The following PARP4 variants were observed in gnomAD, a reference collection of about 807,000 sequenced individuals.
PARP4 encodes poly(ADP-ribose) polymerase family member 4.
PARP4 carries 120 observed loss-of-function variants against 187.7 expected under a neutral mutation model. That is an observed-to-expected ratio of 0.64 (90% CI 0.55 to 0.74). PARP4 has a LOEUF of 0.74. Ranked by LOEUF, PARP4 falls within the 30% of genes least tolerant of loss-of-function variation. The pLI, the probability that PARP4 is intolerant of heterozygous loss-of-function variation, is 0.00. For missense variants in PARP4, 1,836 were observed against 2,070.5 expected, an observed-to-expected ratio of 0.89 and a Z score of 2.20; for synonymous variants, 654 against 740.9, an observed-to-expected ratio of 0.88 and a Z score of 1.90.
At chr13:24,491,784 C>G (rs1455122999) in intron 9 of PARP4, among the ~76,000 whole-genome samples, 1 of 152,198 alleles carries the variant, frequency 6.6e-6, no homozygotes, top group Non-Finnish European at 1.5e-5. Context: ...GCCACAGTGG[C>G]TCCAATCTCC....
intron 11 of PARP4, 37 bp downstream of exon 11, chr13:24,486,131 C>G (rs1191135157): frequency 1.9e-6 from 3 of 1,568,636 alleles, no homozygotes; most frequent in African/African-American, 2.7e-5. Context: ...CATTTGTGAG[C>G]CTGAAATTTT....
chr13:24,510,553 C>CAAAAA lies in PARP4; in HGVS notation c.-2+2148_-2+2152dup, dbSNP rs61708412. Among the ~76,000 whole-genome samples the CAAAAA allele has an allele frequency of 8.4e-3, 748 of 89,210 alleles. 27 individuals are homozygous for CAAAAA. The highest frequency in any genetic ancestry group is 9.4e-3 in the African/African-American group (198 of 20,988). 58.5% of individuals were successfully genotyped at this position (89,210 alleles called of 152,430 possible). A position where few individuals can be genotyped will look rare whatever the true frequency, so the allele number is the denominator to read the frequency against. ...TGGGCGACAGAGCGAGACTCCGTCT[C>CAAAAA]AAAAAAAAAAAAAAAAAAGTGTTCA... On this transcript the variant is annotated intron_variant, in intron 1 of 33. Coordinates refer to ENST00000381989, the MANE Select transcript of PARP4 (RefSeq NM_006437.4).
rs552472940 is a variant in PARP4, at chr13:24,495,191, C to T, written c.592-469G>A. ...TGGCCAGAATTACCAAAATTTTAAA[C>T]TCTTAATAGCCTAAAACCTGGAGGT... On this transcript the variant is annotated intron_variant, in intron 6 of 33. Transcript: ENST00000381989. Among the ~76,000 whole-genome samples, 8 of 152,262 alleles carry T rather than the reference C, an allele frequency of 5.3e-5. No homozygotes were observed. In the South Asian group the frequency reaches 1.0e-3, roughly 20 times the overall value.
At chr13:24,455,270 T>C in intron 21 of PARP4, 58 bp from the exon 22 acceptor site, 1 of 1,345,362 alleles carries the variant, frequency 7.4e-7, no homozygotes, top group Middle Eastern at 2.0e-4. Flanking sequence ...CTGCAAAAGG[T>C]CTACTTAGAA....
Position 24,446,627 on chromosome 13 carries a change from T to C in PARP4, c.3366+54A>G, listed in dbSNP as rs1051390121. The stretch of plus-strand genomic sequence containing the variant: ...TGACATAGAGCATTATATATGGAAA[T>C]ATAAAATCATAACTTTCAAACAATG... On this transcript the variant is annotated intron_variant, in intron 27 of 33. Transcript: ENST00000381989. The C allele has an allele frequency of 8.3e-5, 102 of 1,222,592 alleles. 1 individual carries two copies. Among genetic ancestry groups the C allele is most frequent in the Non-Finnish European group, 1.2e-4 (99 of 824,930 alleles). 75.7% of individuals were successfully genotyped at this position (1,222,592 alleles called of 1,614,324 possible). A position where few individuals can be genotyped will look rare whatever the true frequency, so the allele number is the denominator to read the frequency against.
intron 17 of PARP4, among the ~76,000 whole-genome samples, chr13:24,467,838 C>CTACG (rs1273151044): frequency 6.6e-6 from 1 of 152,046 alleles, no homozygotes; most frequent in Non-Finnish European, 1.5e-5. Context: ...GGAGGATAAC[C>CTACG]TGATAATATT....
At chr13:24,431,170 G>A (rs1185288198) in intron 32 of PARP4, among the ~76,000 whole-genome samples, 1 of 152,106 alleles carries the variant, frequency 6.6e-6, no homozygotes, top group African/African-American at 2.4e-5. Flanking sequence ...TAATAAATTT[G>A]CTCAGATAAT....
At chr13:24,483,145 G>A (rs1255788710) in intron 12 of PARP4, among the ~76,000 whole-genome samples, 10 of 151,960 alleles carry the variant, frequency 6.6e-5, no homozygotes, top group Admixed American at 6.6e-4. Context: ...TCAGCCTCCT[G>A]AGTAGCTTTG....
At chr13:24,473,109 A>T (rs7319659) in intron 15 of PARP4, among the ~76,000 whole-genome samples, 13,693 of 152,024 alleles carry the variant, frequency 0.09, 739 homozygotes, top group East Asian at 0.27. Context: ...TTTTGTAGAG[A>T]TGGGGTTTCT....
Position 24,493,721 on chromosome 13 carries a change from C to A in PARP4, c.754G>T (p.Glu252Ter). 1.2e-6 allele frequency: 2 copies of A among 1,613,322 alleles called. No individual in the cohort carries two copies. Among genetic ancestry groups the A allele is most frequent in the Non-Finnish European group, 1.7e-6 (2 of 1,179,828 alleles). Reference protein sequence around the residue: ...SEQLQALLLEEVMNSSTLSQE... With the variant: ...SEQLQALLLE ...CTCAGAGTGCTTGAATTCATGACTTCCTCCAAAAGCAACTACAATAATAAA... is the reference window on the plus strand; with the variant it reads ...CTCAGAGTGCTTGAATTCATGACTTACTCCAAAAGCAACTACAATAATAAA... The change falls in exon 8 of 34, where the codon GAA (glutamate) becomes TAA (stop). Residue 252 changes from glutamate to a stop codon, truncating the protein, a stop_gained. Transcript: ENST00000381989. LOFTEE classifies it high-confidence loss of function.
chr13:24,511,842 A>G (rs951195953), intron 1 of PARP4, among the ~76,000 whole-genome samples: 4 of 152,240 alleles, frequency 2.6e-5, no homozygotes, highest in Admixed American at 2.6e-4. Context: ...TTGGACTCAA[A>G]TGGCATCAGT....
chr13:24,460,447 C>T (rs1411283897), intron 17 of PARP4, among the ~76,000 whole-genome samples: 1 of 126,074 alleles, frequency 7.9e-6, no homozygotes, highest in Non-Finnish European at 1.9e-5. Flanking sequence ...CACACGTGGG[C>T]TCTGCTGCAC....
chr13:24,507,207 C>T (rs969181367), intron 1 of PARP4, among the ~76,000 whole-genome samples: 4 of 152,232 alleles, frequency 2.6e-5, no homozygotes, highest in Admixed American at 6.5e-5. Flanking sequence ...GAGCCGGCTC[C>T]GGCCTCGCCA....
intron 15 of PARP4, among the ~76,000 whole-genome samples, chr13:24,472,570 A>G (rs950782145): frequency 2.0e-5 from 3 of 152,200 alleles, no homozygotes; most frequent in Non-Finnish European, 4.4e-5. Context: ...TGCAATCTTC[A>G]GAGTCAGAAG....
chr13:24,498,029 A>C lies in PARP4; in HGVS notation c.591+87T>G. 5 of 862,428 alleles carry C rather than the reference A, an allele frequency of 5.8e-6. No individual in the cohort carries two copies. In the East Asian group the frequency reaches 1.3e-4, roughly 23 times the overall value. 53.4% of individuals were successfully genotyped at this position (862,428 alleles called of 1,614,324 possible). ...CTGAGCTAAGACAACAGGTAAGAAG[A>C]AAAAGGTTGGGAGGTCGGCTGATTC... On this transcript the variant is annotated intron_variant, in intron 6 of 33. Transcript: ENST00000381989.
At chr13:24,478,043 T>G in intron 13 of PARP4, 50 bp downstream of exon 13, 1 of 1,426,932 alleles carries the variant, frequency 7.0e-7, no homozygotes, top group Non-Finnish European at 9.5e-7. Context: ...ACTAAGGCCT[T>G]TCTTTGAGCA....
rs1436814298 is a variant in PARP4 at position 24,454,907 on chromosome 13, G to A, written c.2758+110C>T. 7 of 795,538 alleles carry A rather than the reference G, an allele frequency of 8.8e-6. No individual in the cohort carries two copies. The East Asian group carries it at 1.9e-4, about 21-fold the overall frequency. 49.3% of individuals were successfully genotyped at this position (795,538 alleles called of 1,614,324 possible). A position where few individuals can be genotyped will look rare whatever the true frequency, so the allele number is the denominator to read the frequency against. On this transcript the variant is annotated intron_variant, in intron 22 of 33. Transcript: ENST00000381989. ...CTCTTGTTCTTCAATTTCATACTAG[G>A]CTGCCCCTCACCACACAGGCAGGGT... is the stretch of plus-strand genomic sequence containing the variant.
intron 12 of PARP4, among the ~76,000 whole-genome samples, chr13:24,479,658 G>A (rs1311375617): frequency 2.0e-5 from 3 of 152,174 alleles, no homozygotes; most frequent in African/African-American, 7.2e-5. Context: ...CTCAGGGATT[G>A]TAAACGCACC....
At chr13:24,503,496 C>T in intron 2 of PARP4, 149 bp downstream of exon 2, 1 of 908,256 alleles carries the variant, frequency 1.1e-6, no homozygotes, top group East Asian at 2.5e-5. Flanking sequence ...CCCAGCCTCC[C>T]AATGGGCCAT....
Sources: allele counts gnomAD v4.1 joint callset (sites outside exome capture counted in the v4.1 genomes callset), GRCh38; gene constraint gnomAD v4.1.1; transcripts MANE v1.5; gene names NCBI Gene and HGNC (gene_info 2026-07-23, HGNC 2026-07-21).